Variants in NFATC1 observed in about 807,000 individuals in gnomAD.
NFATC1 encodes nuclear factor of activated T-cells, cytoplasmic 1.
A neutral mutation model predicts 76.0 loss-of-function variants in NFATC1; 22 were observed. That is an observed-to-expected ratio of 0.29 (90% CI 0.21 to 0.41). The LOEUF (loss-of-function observed/expected upper bound fraction) is 0.41, where lower values mean the gene tolerates loss of function less well. Ranked by LOEUF, NFATC1 falls within the 10% of genes least tolerant of loss-of-function variation. NFATC1 has a pLI of 1.00. For missense variants in NFATC1, 1,357 were observed against 1,337.7 expected (o/e 1.01, Z -0.23); for synonymous variants, 704 against 613.1 (o/e 1.15, Z -2.19).
At chr18:79,402,476 G>A in intron 1 of NFATC1, 1 of 828,670 alleles carries the variant, frequency 1.2e-6, no homozygotes, top group Non-Finnish European at 1.5e-6. Context: ...CACCCTCGCA[G>A]GCACCCTGGG....
At chr18:79,526,419 C>T (rs1350223851) in intron 9 of NFATC1, among the ~76,000 whole-genome samples, 6 of 152,258 alleles carry the variant, frequency 3.9e-5, no homozygotes, top group East Asian at 1.9e-4. Flanking sequence ...GGGGAGCCCA[C>T]GCGTGCCTGT....
intron 2 of NFATC1, among the ~76,000 whole-genome samples, chr18:79,418,874 C>G (rs1185214603): frequency 6.6e-6 from 1 of 152,086 alleles, no homozygotes; most frequent in Non-Finnish European, 1.5e-5. Context: ...CTGCGGAGGC[C>G]GAGGGCCTGT....
At chr18:79,489,244 A>G (rs1042002667) in intron 9 of NFATC1, among the ~76,000 whole-genome samples, 2 of 151,878 alleles carry the variant, frequency 1.3e-5, no homozygotes, top group African/African-American at 4.8e-5. Context: ...TGTGGGTGTG[A>G]CCCCGCCCTG....
At chr18:79,521,118 G>T (rs1485563511) in intron 9 of NFATC1, among the ~76,000 whole-genome samples, 1 of 109,292 alleles carries the variant, frequency 9.1e-6, no homozygotes, top group African/African-American at 3.6e-5. Flanking sequence ...TGTGTGGGGG[G>T]CGTCTGCTGA....
At chr18:79,408,145 A>G (rs1268637985) in intron 1 of NFATC1, among the ~76,000 whole-genome samples, 1 of 152,168 alleles carries the variant, frequency 6.6e-6, no homozygotes, top group Non-Finnish European at 1.5e-5. Context: ...TCTGTTAGTA[A>G]ATACAGTGGG....
At chr18:79,492,759 A>G (rs759959382) in intron 9 of NFATC1, among the ~76,000 whole-genome samples, 1 of 148,690 alleles carries the variant, frequency 6.7e-6, no homozygotes, top group African/African-American at 2.5e-5. Context: ...CTATAATCCC[A>G]GCTACTTGGA....
chr18:79,396,997 G>C lies in NFATC1; in HGVS notation c.127+646G>C, dbSNP rs1216896339. The stretch of plus-strand genomic sequence containing the variant: ...CAGCCAGAGAAGATGTTTCAGGCAA[G>C]TTTGAAAAGGAACCGCCAAGTTTCG... On this transcript the variant is annotated intron_variant, in intron 1 of 9. Coordinates refer to ENST00000427363, the MANE Select transcript of NFATC1 (RefSeq NM_001278669.2). Among the ~76,000 whole-genome samples the C allele has an allele frequency of 2.0e-5, 3 of 152,238 alleles. No individual in the cohort carries two copies. In the South Asian group the frequency reaches 6.2e-4, roughly 31 times the overall value.
chr18:79,474,182 CGT>C (rs2088927692), intron 8 of NFATC1, among the ~76,000 whole-genome samples: 8 of 99,546 alleles, frequency 8.0e-5, no homozygotes, highest in African/African-American at 2.8e-4. Flanking sequence ...TCGCTGTCGA[CGT>C]AAACCTGAGG....
intron 9 of NFATC1, 109 bp downstream of exon 9, chr18:79,487,046 G>C: frequency 7.8e-7 from 1 of 1,279,236 alleles, no homozygotes; most frequent in East Asian, 2.6e-5. Flanking sequence ...AGTGCACCGA[G>C]GCACCGGGCA....
intron 3 of NFATC1, among the ~76,000 whole-genome samples, chr18:79,439,007 G>T (rs950094810): frequency 6.6e-6 from 1 of 152,226 alleles, no homozygotes; most frequent in Non-Finnish European, 1.5e-5. Flanking sequence ...TGCGCGTCGG[G>T]CCAGTGGTTC....
chr18:79,436,762 G>A (rs932334617), intron 3 of NFATC1, among the ~76,000 whole-genome samples: 1 of 151,916 alleles, frequency 6.6e-6, no homozygotes, highest in African/African-American at 2.4e-5. Flanking sequence ...ACCTGTGGGC[G>A]CTGAGGGGCG....
intron 8 of NFATC1, among the ~76,000 whole-genome samples, chr18:79,478,965 C>T (rs1170536037): frequency 1.3e-5 from 2 of 152,196 alleles, no homozygotes; most frequent in East Asian, 1.9e-4. Context: ...CGCGCCGCCT[C>T]CACAGACAGT....
intron 8 of NFATC1, among the ~76,000 whole-genome samples, chr18:79,476,851 C>A (rs2089094076): frequency 6.6e-6 from 1 of 152,356 alleles, no homozygotes; most frequent in South Asian, 2.1e-4. Flanking sequence ...GGAATACTCA[C>A]CAGACTCACG....
chr18:79,486,562 G>A lies in NFATC1; in HGVS notation c.2407G>A (p.Val803Met), dbSNP rs772988184. 1.5e-5 allele frequency: 24 copies of A among 1,594,088 alleles called. No individual in the cohort carries two copies. Among genetic ancestry groups the A allele is most frequent in the East Asian group, 4.5e-5 (2 of 44,526 alleles). Residue 803 changes from valine to methionine, a missense_variant, in exon 9 of 10, where the codon GTG becomes ATG. This residue lies in a region of NFATC1 where 424 missense variants were observed against 395.4 expected (regional missense o/e 1.07). Transcript: ENST00000427363. ...PAGEAPAVQD[V>M]PRPVATHPGS... ...CGGAGAGGCCCCCGCCGTCCAGGAC[G>A]TGCCCAGGCCAGTGGCCACGCACCC... is the stretch of plus-strand genomic sequence containing the variant.
chr18:79,406,989 AGCCGGCTCAGGGGCT>A (rs1398862769), intron 1 of NFATC1, among the ~76,000 whole-genome samples: 1 of 152,172 alleles, frequency 6.6e-6, no homozygotes, highest in Non-Finnish European at 1.5e-5. Context: ...GGTCTGATGC[AGCCGGCTCAGGGGCT>A]TTGCACGGGC....
chr18:79,495,980 T>G (rs2089872022), intron 9 of NFATC1: 1 of 152,398 alleles, frequency 6.6e-6, no homozygotes, highest in South Asian at 2.1e-4. Flanking sequence ...AGTGTCACTG[T>G]AACGCAGGCA....
rs987412709 is a variant in NFATC1 at position 79,491,837 on chromosome 18, G to A, written c.2782+4900G>A. ...CTCGTGGGGCCGGGGACTCAGCCCC[G>A]GCCCCTGGGCACCCAGCCATGTTTG... is the stretch of plus-strand genomic sequence containing the variant. On this transcript the variant is annotated intron_variant, in intron 9 of 9. Transcript: ENST00000427363. 3.3e-5 allele frequency among the ~76,000 whole-genome samples: 5 copies of A among 151,420 alleles called. No homozygotes were observed. In the East Asian group the frequency reaches 6.0e-4, roughly 18 times the overall value.
chr18:79,477,509 C>T (rs917119843), intron 8 of NFATC1, among the ~76,000 whole-genome samples: 14 of 152,160 alleles, frequency 9.2e-5, no homozygotes, highest in Admixed American at 3.3e-4. Flanking sequence ...GAAGGGGGTC[C>T]GGGGCACTGT....
At chr18:79,413,587 C>T (rs2085772185) in intron 2 of NFATC1, among the ~76,000 whole-genome samples, 1 of 152,252 alleles carries the variant, frequency 6.6e-6, no homozygotes, top group South Asian at 2.1e-4. Flanking sequence ...GACCCTCTCT[C>T]CAGACACAGC....
Sources: gnomAD v4.1 joint callset for allele counts (sites outside exome capture counted in the v4.1 genomes callset) on GRCh38, gnomAD v4.1.1 for gene constraint, gnomAD v4.1.1 regional missense constraint, MANE v1.5 for transcripts, NCBI Gene and HGNC (gene_info 2026-07-23, HGNC 2026-07-21) for gene names.